Variants in RGS12 observed in about 807,000 individuals in gnomAD.
RGS12 encodes regulator of G-protein signaling 12.
A neutral mutation model predicts 120.1 loss-of-function variants in RGS12; 66 were observed. The ratio of observed to expected loss-of-function variants is 0.55; its 90% CI spans 0.45 to 0.67. The LOEUF (loss-of-function observed/expected upper bound fraction) is 0.67. RGS12 is among the 30% of genes least tolerant of loss of function. RGS12 has a pLI of 0.00. For missense variants in RGS12, 1,859 were observed against 1,957.7 expected (o/e 0.95, Z 0.95); for synonymous variants, 827 against 804.7 (o/e 1.03, Z -0.47).
chr4:3,328,599 G>C (rs886570480), intron 2 of RGS12, among the ~76,000 whole-genome samples: 1 of 152,142 alleles, frequency 6.6e-6, no homozygotes, highest in African/African-American at 2.4e-5. Context: ...CTAGTCTCAG[G>C]TATTCAGTTA....
intron 3 of RGS12, among the ~76,000 whole-genome samples, chr4:3,381,976 A>AG (rs1367223643): frequency 6.6e-6 from 1 of 152,236 alleles, no homozygotes; most frequent in Non-Finnish European, 1.5e-5. Context: ...TGAAGGCCAG[A>AG]GGCTTCCCTG....
chr4:3,368,695 GCCTGTGTGTGTT>G (rs2108879606), intron 3 of RGS12, among the ~76,000 whole-genome samples: 1 of 82,928 alleles, frequency 1.2e-5, no homozygotes, highest in South Asian at 5.7e-4. Context: ...GTGTGGGGGT[GCCTGTGTGTGTT>G]GGGGGTGCCT....
intron 4 of RGS12, among the ~76,000 whole-genome samples, chr4:3,395,232 C>T (rs1023652561): frequency 6.6e-6 from 1 of 151,790 alleles, no homozygotes; most frequent in African/African-American, 2.4e-5. Context: ...AGACTCAACG[C>T]AGCGTATGCT....
intron 3 of RGS12, among the ~76,000 whole-genome samples, chr4:3,344,746 G>A (rs899540089): frequency 6.6e-6 from 1 of 152,334 alleles, no homozygotes; most frequent in Admixed American, 6.5e-5. Flanking sequence ...GGGCCCTGCT[G>A]CTTTCCACAT....
At chr4:3,388,188 C>T (rs1042666438) in intron 4 of RGS12, among the ~76,000 whole-genome samples, 23 of 151,926 alleles carry the variant, frequency 1.5e-4, no homozygotes, top group African/African-American at 4.8e-4. Context: ...TGGAGAGCCC[C>T]AGTCACAGAG....
At chr4:3,310,030 C>T (rs58205019) in intron 1 of RGS12, among the ~76,000 whole-genome samples, 2 of 146,842 alleles carry the variant, frequency 1.4e-5, no homozygotes, top group East Asian at 2.1e-4. Context: ...AGCTGGGACC[C>T]GGGAAATGGC....
At chr4:3,414,307 C>A in intron 5 of RGS12, 66 bp downstream of exon 5, 2 of 1,459,768 alleles carry the variant, frequency 1.4e-6, no homozygotes, top group Non-Finnish European at 1.8e-6. Flanking sequence ...CGAGCAGGAT[C>A]TGTGGGCCGC....
chr4:3,297,349 C>G (rs1274494635), intron 1 of RGS12, among the ~76,000 whole-genome samples: 1 of 152,182 alleles, frequency 6.6e-6, no homozygotes. Context: ...GGCCGCAGCC[C>G]CCAGAGGCGG....
intron 1 of RGS12, among the ~76,000 whole-genome samples, chr4:3,306,508 G>A (rs1453556370): frequency 6.6e-6 from 1 of 152,234 alleles, no homozygotes; most frequent in African/African-American, 2.4e-5. Flanking sequence ...AGCATAACTG[G>A]AGTTGAATAT....
intron 3 of RGS12, among the ~76,000 whole-genome samples, chr4:3,357,758 A>T (rs542641322): frequency 1.3e-5 from 2 of 152,124 alleles, no homozygotes; most frequent in Admixed American, 1.3e-4. Context: ...CACTGTTTTG[A>T]TTACTGTAGC....
intron 7 of RGS12, among the ~76,000 whole-genome samples, 200 bp downstream of exon 7, chr4:3,416,321 T>C (rs1722396507): frequency 6.6e-6 from 1 of 152,132 alleles, no homozygotes; most frequent in Admixed American, 6.5e-5. Context: ...AGTAGGGCCA[T>C]GAAATAAGTC....
chr4:3,350,547 TG>T, intron 3 of RGS12, among the ~76,000 whole-genome samples: 1 of 152,182 alleles, frequency 6.6e-6, no homozygotes, highest in South Asian at 2.1e-4. Flanking sequence ...GCAGGTATGA[TG>T]GTACACACCT....
rs188296501 is a variant in RGS12 at position 3,312,468 on chromosome 4, G to A, written c.-101-3602G>A. On this transcript the variant is annotated intron_variant, in intron 1 of 17. Transcript: ENST00000336727. ...GAGGGTGTGAGGGTTGCGTTCCTGCGTTCTGGACTCTTTACCCACTACTGA... is the reference window on the plus strand; with the variant it reads ...GAGGGTGTGAGGGTTGCGTTCCTGCATTCTGGACTCTTTACCCACTACTGA... 23 of 216,976 alleles carry A rather than the reference G, an allele frequency of 1.1e-4. No individual in the cohort carries two copies. The East Asian group carries it at 2.0e-3, about 19-fold the overall frequency. The allele number at this position is 216,976 out of a possible 1,614,324, so 13.4% of individuals were successfully genotyped here.
At chr4:3,331,108 A>G (rs1045957479) in intron 2 of RGS12, among the ~76,000 whole-genome samples, 4 of 152,214 alleles carry the variant, frequency 2.6e-5, no homozygotes, top group Admixed American at 2.0e-4. Context: ...TACATTACTG[A>G]TAGGAAAAGC....
chr4:3,411,177 C>T (rs1721691750), intron 4 of RGS12, among the ~76,000 whole-genome samples: 1 of 152,154 alleles, frequency 6.6e-6, no homozygotes, highest in African/African-American at 2.4e-5. Context: ...GGAAGAGATC[C>T]GACTAGATAG....
chr4:3,428,778 A>G (rs1723943519), intron 16 of RGS12, 67 bp downstream of exon 16: 2 of 1,386,406 alleles, frequency 1.4e-6, no homozygotes, highest in Non-Finnish European at 2.0e-6. Context: ...TATAGTCAGT[A>G]GATCTGCTTT....
In RGS12 at chr4:3,372,306, C is replaced by T. The variant is rs1335666054; in HGVS notation, c.1999-14110C>T. ...CAGCTTGAGCCTCCCTGGCAGGCAG[C>T]GGCCGTTCAGCCAGCCTGTGGCTGT... On this transcript the variant is annotated intron_variant, in intron 3 of 17. Coordinates refer to ENST00000336727, the MANE Select transcript of RGS12 (RefSeq NM_001394154.1). The surrounding 1 kb of genome is among the most constrained non-coding windows in gnomAD (Gnocchi z 4.3). Among the ~76,000 whole-genome samples, 3 of 152,108 alleles carry T rather than the reference C, an allele frequency of 2.0e-5. No homozygotes were observed. Among genetic ancestry groups the T allele is most frequent in the Admixed American group, 6.5e-5 (1 of 15,280 alleles).
At chr4:3,414,968 GA>G (rs1405073605) in intron 6 of RGS12, 124 bp downstream of exon 6, 9 of 690,194 alleles carry the variant, frequency 1.3e-5, no homozygotes, top group East Asian at 2.7e-5. Flanking sequence ...AGGGGCGTGA[GA>G]GGGGCGTGTG....
chr4:3,374,901 G>A lies in RGS12; in HGVS notation c.1999-11515G>A, dbSNP rs1424305231. ...TGCGGGGCAGGGCTGCCAGTTTGGG[G>A]TTTGCATGTTGATTTTGTACATCCA... is the stretch of plus-strand genomic sequence containing the variant. On this transcript the variant is annotated intron_variant, in intron 3 of 17. Coordinates refer to ENST00000336727, the MANE Select transcript of RGS12 (RefSeq NM_001394154.1). The surrounding 1 kb of genome is among the most constrained non-coding windows in gnomAD (Gnocchi z 6.3). Among the ~76,000 whole-genome samples the A allele has an allele frequency of 6.6e-6, 1 of 152,166 alleles. No individual in the cohort carries two copies. Among genetic ancestry groups the A allele is most frequent in the South Asian group, 2.1e-4 (1 of 4,834 alleles).
Sources: gnomAD v4.1 joint callset for allele counts (sites outside exome capture counted in the v4.1 genomes callset) on GRCh38, gnomAD v4.1.1 for gene constraint, Gnocchi (gnomAD v3.1) non-coding constraint, MANE v1.5 for transcripts, NCBI Gene and HGNC (gene_info 2026-07-23, HGNC 2026-07-21) for gene names.